The following MGAT4C variants were observed in gnomAD, a reference collection of about 807,000 sequenced individuals.
MGAT4C encodes the protein MGAT4 family member C, also known as alpha-1,3-mannosyl-glycoprotein 4-beta-N-acetylglucosaminyltransferase C.
A neutral mutation model predicts 40.1 loss-of-function variants in MGAT4C; 19 were observed. The ratio of observed to expected loss-of-function variants is 0.47; its 90% CI spans 0.33 to 0.70. MGAT4C has a LOEUF of 0.70. Among genes scored for constraint, MGAT4C ranks in the 30% least tolerant of loss-of-function variants. The pLI is 0.02. For synonymous variants in MGAT4C, 181 were observed against 187.1 expected, an observed-to-expected ratio of 0.97 and a Z score of 0.27; for missense variants, 491 against 563.2, an observed-to-expected ratio of 0.87 and a Z score of 1.30.
intron 1 of MGAT4C, among the ~76,000 whole-genome samples, chr12:86,199,188 T>C (rs187931371): frequency 5.3e-5 from 8 of 152,224 alleles, no homozygotes; most frequent in East Asian, 3.9e-4. Flanking sequence ...GATATGCCAA[T>C]AGGAACCATA....
At chr12:86,352,004 GA>G (rs1224156045) in intron 3 of MGAT4C, among the ~76,000 whole-genome samples, 1 of 151,848 alleles carries the variant, frequency 6.6e-6, no homozygotes, top group Non-Finnish European at 1.5e-5. Flanking sequence ...AAAATTATGG[GA>G]AAAATATAGA....
chr12:86,072,026 TTGTGTGTGTGTGTG>T (rs71076158), intron 1 of MGAT4C, among the ~76,000 whole-genome samples: 5 of 149,062 alleles, frequency 3.4e-5, no homozygotes, highest in Non-Finnish European at 4.5e-5. Flanking sequence ...GCATAGGGTT[TTGTGTGTGTGTGTG>T]TGTGTGTGTG....
At chr12:85,991,134 G>C (rs1194979599) in intron 2 of MGAT4C, among the ~76,000 whole-genome samples, 32 of 152,124 alleles carry the variant, frequency 2.1e-4, no homozygotes, top group Admixed American at 2.1e-3. Context: ...CCTCTCTGTA[G>C]ACAGGTCAAC....
intron 3 of MGAT4C, among the ~76,000 whole-genome samples, chr12:86,337,186 A>G (rs1029655153): frequency 3.3e-5 from 5 of 151,960 alleles, no homozygotes; most frequent in African/African-American, 4.8e-5. Context: ...CACATATACT[A>G]TATACTAGGT....
intron 2 of MGAT4C, among the ~76,000 whole-genome samples, chr12:86,647,524 T>C (rs1290608965): frequency 2.0e-5 from 3 of 151,920 alleles, no homozygotes; most frequent in Non-Finnish European, 2.9e-5. Context: ...TATATATTAC[T>C]TTTGAATTAA....
intron 2 of MGAT4C, among the ~76,000 whole-genome samples, chr12:86,039,075 T>C (rs2136930730): frequency 6.7e-6 from 1 of 150,230 alleles, no homozygotes; most frequent in South Asian, 2.1e-4. Flanking sequence ...CTCTTCTGTC[T>C]TGTAGGGTTT....
At chr12:86,264,003 T>C (rs144363799) in intron 4 of MGAT4C, among the ~76,000 whole-genome samples, 4 of 152,336 alleles carry the variant, frequency 2.6e-5, no homozygotes, top group African/African-American at 9.6e-5. Context: ...TTTTGCCCAC[T>C]TTTTAATTGG....
At chr12:86,128,665 T>C (rs1880690491) in intron 1 of MGAT4C, among the ~76,000 whole-genome samples, 1 of 152,164 alleles carries the variant, frequency 6.6e-6, no homozygotes, top group Admixed American at 6.5e-5. Flanking sequence ...AGAAGGAAAA[T>C]GCAGCTCAAT....
intron 3 of MGAT4C, among the ~76,000 whole-genome samples, chr12:86,345,508 G>T (rs149499480): frequency 7.3e-5 from 11 of 150,912 alleles, no homozygotes; most frequent in Non-Finnish European, 1.3e-4. Context: ...TCCCACCTAT[G>T]AGTGAGAACA....
chr12:85,994,291 T>A (rs1474981406), intron 2 of MGAT4C, among the ~76,000 whole-genome samples: 1 of 152,114 alleles, frequency 6.6e-6, no homozygotes, highest in Non-Finnish European at 1.5e-5. Flanking sequence ...TCCTCTCAAA[T>A]CCATTCACAA....
At chr12:86,260,955 G>A (rs2136095647), upstream of MGAT4C, among the ~76,000 whole-genome samples, 1 of 151,784 alleles carries the variant, frequency 6.6e-6, no homozygotes, top group East Asian at 1.9e-4. Flanking sequence ...TGAAGAGAAA[G>A]GTTTGTTCAT....
chr12:86,824,097 A>C (rs964371511), intron 1 of MGAT4C, among the ~76,000 whole-genome samples: 1 of 151,386 alleles, frequency 6.6e-6, no homozygotes, highest in Non-Finnish European at 1.5e-5. Context: ...CCTTAGTTCA[A>C]GGTACCTATG....
intron 1 of MGAT4C, among the ~76,000 whole-genome samples, chr12:86,173,688 T>A (rs1007804858): frequency 1.1e-4 from 16 of 152,116 alleles, no homozygotes; most frequent in Non-Finnish European, 1.9e-4. Context: ...AAATATATAG[T>A]TTAACAAAAT....
intron 2 of MGAT4C, among the ~76,000 whole-genome samples, chr12:86,702,473 T>A (rs1001653873): frequency 5.3e-5 from 8 of 152,198 alleles, no homozygotes; most frequent in Non-Finnish European, 1.0e-4. Flanking sequence ...GACTCTCTTG[T>A]TAAGGGCTAA....
intron 1 of MGAT4C, among the ~76,000 whole-genome samples, chr12:86,211,534 C>A (rs1950469678): frequency 6.6e-6 from 1 of 150,560 alleles, no homozygotes; most frequent in South Asian, 2.1e-4. Flanking sequence ...TTGCAGTGAG[C>A]TGAGATTGCT....
At chr12:86,535,687 ATCC>A (rs1413313461) in intron 2 of MGAT4C, among the ~76,000 whole-genome samples, 3 of 152,112 alleles carry the variant, frequency 2.0e-5, no homozygotes, top group African/African-American at 7.2e-5. Context: ...TAAACAATTA[ATCC>A]TCCTGGAGCA....
chr12:86,500,429 T>C (rs1390664254), intron 2 of MGAT4C, among the ~76,000 whole-genome samples: 2 of 152,056 alleles, frequency 1.3e-5, no homozygotes, highest in African/African-American at 4.8e-5. Flanking sequence ...AAATATCCTA[T>C]GGCTGAATAG....
chr12:86,619,007 C>T (rs1962553041), intron 2 of MGAT4C, among the ~76,000 whole-genome samples: 2 of 151,420 alleles, frequency 1.3e-5, no homozygotes, highest in African/African-American at 4.9e-5. Flanking sequence ...AAATATAATA[C>T]AAATAAAAAT....
intron 1 of MGAT4C, among the ~76,000 whole-genome samples, chr12:86,809,499 A>T (rs1952428658): frequency 6.6e-6 from 1 of 152,006 alleles, no homozygotes; most frequent in Non-Finnish European, 1.5e-5. Context: ...CCTTCCCACC[A>T]GCAATATATG....
Sources: gnomAD v4.1 joint callset for allele counts (sites outside exome capture counted in the v4.1 genomes callset) on GRCh38, gnomAD v4.1.1 for gene constraint, MANE v1.5 for transcripts, NCBI Gene and HGNC (gene_info 2026-07-23, HGNC 2026-07-21) for gene names.